Variants in RBFOX1 observed in about 807,000 individuals in gnomAD.
The protein encoded by RBFOX1 is RNA binding fox-1 homolog 1, also known as RNA binding protein fox-1 homolog 1.
RBFOX1 carries 8 observed loss-of-function variants against 57.7 expected under a neutral mutation model. That is an observed-to-expected ratio of 0.14 (90% confidence interval 0.08 to 0.25). RBFOX1 has a LOEUF of 0.25. Ranked by LOEUF, RBFOX1 falls within the 10% of genes least tolerant of loss-of-function variation. The probability of loss-of-function intolerance (pLI) is 1.00; values close to 1 mark genes in which losing one functional copy is unlikely to be tolerated. For synonymous variants in RBFOX1, 326 were observed against 222.4 expected (o/e 1.47, Z -4.15); for missense variants, 611 against 548.5 (o/e 1.11, Z -1.14).
intron 2 of RBFOX1, among the ~76,000 whole-genome samples, chr16:5,523,364 C>G (rs1256678391): frequency 6.6e-6 from 1 of 150,904 alleles, no homozygotes; most frequent in Non-Finnish European, 1.5e-5. Flanking sequence ...GCCTGTAATC[C>G]CACACTTTGG....
At position 6,019,869 on chromosome 16, in the gene RBFOX1, A is replaced by G. The variant is rs2152347102; in HGVS notation, c.-250A>G. On this transcript the variant is annotated 5_prime_UTR_variant, in exon 1 of 16. Transcript: ENST00000550418. The surrounding 1 kb of genome is among the most constrained non-coding windows in gnomAD (Gnocchi z 4.2). Reference sequence around the variant, plus strand: ...CGAAGTTGCGGACAGTGCGTGAGAAACCAGCACCCCCTTCCGCCGCCTCCA... The same window carrying G: ...CGAAGTTGCGGACAGTGCGTGAGAAGCCAGCACCCCCTTCCGCCGCCTCCA... 6.5e-7 allele frequency: 1 copy of G among 1,534,094 alleles called. No individual in the cohort carries two copies. The highest frequency in any genetic ancestry group is 8.7e-7 in the Non-Finnish European group (1 of 1,146,104).
At chr16:7,407,995 A>C (rs2098375628) in intron 4 of RBFOX1, among the ~76,000 whole-genome samples, 1 of 152,198 alleles carries the variant, frequency 6.6e-6, no homozygotes, top group Non-Finnish European at 1.5e-5. Flanking sequence ...ACAGTGCCTA[A>C]AATATTTATT....
At chr16:7,473,631 G>C (rs780470738) in intron 4 of RBFOX1, among the ~76,000 whole-genome samples, 6 of 151,580 alleles carry the variant, frequency 4.0e-5, no homozygotes, top group Non-Finnish European at 7.4e-5. Flanking sequence ...TCCTCAAACA[G>C]TAATATCTTG....
chr16:6,160,289 T>C (rs2096868405), intron 1 of RBFOX1, among the ~76,000 whole-genome samples: 2 of 152,170 alleles, frequency 1.3e-5, no homozygotes, highest in African/African-American at 2.4e-5. Flanking sequence ...ATATTTGAGG[T>C]GTATGCAACA....
chr16:7,690,635 C>T (rs1313059761), intron 14 of RBFOX1, among the ~76,000 whole-genome samples: 1 of 151,340 alleles, frequency 6.6e-6, no homozygotes, highest in Non-Finnish European at 1.5e-5. Flanking sequence ...GAGAGGCAGC[C>T]CCACTGTCCA....
At chr16:6,698,611 A>C (rs17140955) in intron 3 of RBFOX1, among the ~76,000 whole-genome samples, 1 of 152,128 alleles carries the variant, frequency 6.6e-6, no homozygotes, top group African/African-American at 2.4e-5. Flanking sequence ...CTAACATGCC[A>C]CTTCTCCATC....
intron 3 of RBFOX1, among the ~76,000 whole-genome samples, chr16:6,789,198 G>A: frequency 6.6e-6 from 1 of 152,118 alleles, no homozygotes. Context: ...TTTAAAGACT[G>A]TAAGTCATGA....
chr16:7,337,038 C>A (rs983951924), intron 4 of RBFOX1, among the ~76,000 whole-genome samples: 2 of 152,176 alleles, frequency 1.3e-5, no homozygotes, highest in Non-Finnish European at 2.9e-5. Flanking sequence ...CCCCCAAAAT[C>A]TGATTTTCAA....
In RBFOX1 at chr16:6,990,686, G is replaced by T. The variant is rs28425633; in HGVS notation, c.-15-61371G>T. On this transcript the variant is annotated intron_variant, in intron 3 of 15. Transcript: ENST00000550418. ...AAAGGCAAAAGCCGTGATCAGTTTT[G>T]CACCGACCTAATAGTTGTGAATGTG... 3.6e-3 allele frequency among the ~76,000 whole-genome samples: 553 copies of T among 152,188 alleles called. 7 individuals carry two copies. Among genetic ancestry groups the T allele is most frequent in the African/African-American group, 0.013 (535 of 41,520 alleles).
intron 2 of RBFOX1, among the ~76,000 whole-genome samples, chr16:6,563,905 T>C (rs568218984): frequency 4.6e-5 from 7 of 151,572 alleles, no homozygotes; most frequent in Non-Finnish European, 1.0e-4. Flanking sequence ...TGTGCGTATA[T>C]GTGTGTGTGT....
intron 10 of RBFOX1, among the ~76,000 whole-genome samples, chr16:7,615,471 C>T (rs115346273): frequency 0.014 from 2,109 of 152,202 alleles, 54 homozygotes; most frequent in African/African-American, 0.048. Flanking sequence ...TTGTTACCTT[C>T]GATTTGCAGG....
chr16:7,098,446 A>C (rs930931497), intron 4 of RBFOX1, among the ~76,000 whole-genome samples: 3 of 152,250 alleles, frequency 2.0e-5, no homozygotes, highest in Non-Finnish European at 2.9e-5. Flanking sequence ...CTGAGATTAC[A>C]GGCATGAGCT....
intron 1 of RBFOX1, among the ~76,000 whole-genome samples, chr16:6,034,556 C>T (rs968258533): frequency 6.6e-6 from 1 of 151,818 alleles, no homozygotes; most frequent in African/African-American, 2.4e-5. Flanking sequence ...TCTCTCCAAC[C>T]TTTGGGTAAG....
At chr16:7,690,045 G>T (rs2076984925) in intron 14 of RBFOX1, among the ~76,000 whole-genome samples, 1 of 152,094 alleles carries the variant, frequency 6.6e-6, no homozygotes, top group Non-Finnish European at 1.5e-5. Flanking sequence ...CAACTCCCTT[G>T]AATCCCTTCC....
chr16:5,843,590 C>T (rs2056680420), intron 3 of RBFOX1, among the ~76,000 whole-genome samples: 1 of 152,168 alleles, frequency 6.6e-6, no homozygotes, highest in Admixed American at 6.5e-5. Flanking sequence ...TTTGTTACTG[C>T]ACATCTGTGT....
intron 2 of RBFOX1, among the ~76,000 whole-genome samples, chr16:6,554,725 GACAC>G (rs34699308): frequency 0.031 from 4,573 of 148,240 alleles, 223 homozygotes; most frequent in African/African-American, 0.11. Context: ...AGTAGACACA[GACAC>G]ACACACACAC....
At chr16:5,439,914 A>G (rs754318624) in intron 1 of RBFOX1, among the ~76,000 whole-genome samples, 3 of 152,216 alleles carry the variant, frequency 2.0e-5, no homozygotes, top group Non-Finnish European at 4.4e-5. Context: ...AGATCTGAGT[A>G]AAGTATTCAA....
chr16:6,006,222 T>A (rs1432977644), intron 4 of RBFOX1, among the ~76,000 whole-genome samples: 1 of 152,134 alleles, frequency 6.6e-6, no homozygotes, highest in African/African-American at 2.4e-5. Context: ...ACCAGATAGT[T>A]CAGGTGGGGT....
At chr16:6,153,169 A>G (rs2096811771) in intron 1 of RBFOX1, among the ~76,000 whole-genome samples, 1 of 151,620 alleles carries the variant, frequency 6.6e-6, no homozygotes, top group Non-Finnish European at 1.5e-5. Flanking sequence ...CCAGAGCAGT[A>G]TACCCTGAAT....
Sources: gnomAD v4.1 joint callset for allele counts (sites outside exome capture counted in the v4.1 genomes callset) on GRCh38, gnomAD v4.1.1 for gene constraint, Gnocchi (gnomAD v3.1) non-coding constraint, MANE v1.5 for transcripts, NCBI Gene and HGNC (gene_info 2026-07-23, HGNC 2026-07-21) for gene names.